CACNA1S: variants seen among roughly 807,000 people sequenced by gnomAD.
CACNA1S encodes the protein voltage-dependent L-type calcium channel subunit alpha-1S.
CACNA1S carries 126 observed loss-of-function variants against 207.4 expected under a neutral mutation model. That is an observed-to-expected ratio of 0.61 (90% CI 0.53 to 0.70). The LOEUF (loss-of-function observed/expected upper bound fraction) is 0.70, where lower values mean the gene tolerates loss of function less well. Among genes scored for constraint, CACNA1S ranks in the 30% least tolerant of loss-of-function variants. CACNA1S has a pLI of 0.00. For missense variants in CACNA1S, 2,349 were observed against 2,422.8 expected (o/e 0.97, Z 0.64); for synonymous variants, 960 against 932.7 (o/e 1.03, Z -0.53).
chr1:201,047,163 T>G lies in CACNA1S; in HGVS notation c.4620A>C (p.Gln1540His), dbSNP rs1300838444. 3 of 1,614,190 alleles carry G rather than the reference T, an allele frequency of 1.9e-6. No homozygotes were observed. The East Asian group carries it at 6.7e-5, about 36-fold the overall frequency. ...TGGGCCGATAGCCATAATACTCCTC[T>G]TGGCGTTTCATGAACTTCCGGAAGT... ...QEHFRKFMKR[Q>H]EEYYGYRPKK... The change falls in exon 38 of 44, where the codon CAA becomes CAC. Residue 1540 changes from glutamine (Q) to histidine (H), a missense_variant. Transcript: ENST00000362061.
chr1:201,039,953 T>C lies in CACNA1S; in HGVS notation c.5500A>G (p.Lys1834Glu), dbSNP rs766234631. The C allele has an allele frequency of 6.2e-7, 1 of 1,614,154 alleles. No homozygotes were observed. ...EVEIMATELL[K>E]GREAPEGMAS... ...ATGCCCTCTGGGGCCTCTCGTCCTT[T>C]CAGTAGCTCTGTTGCCATGATCTCC... Residue 1834 changes from lysine to glutamate, a missense_variant, in exon 44 of 44, where the codon AAA becomes GAA. By Grantham distance (56) the Lys-to-Glu change is moderately conservative. Coordinates refer to ENST00000362061, the MANE Select transcript of CACNA1S (RefSeq NM_000069.3).
At chr1:201,101,233 G>C (rs1427790303) in intron 2 of CACNA1S, among the ~76,000 whole-genome samples, 1 of 152,180 alleles carries the variant, frequency 6.6e-6, no homozygotes, top group Non-Finnish European at 1.5e-5. Context: ...AGGTGGAGAG[G>C]CTGCGGGCTG....
chr1:201,103,520 G>T (rs1315078128), intron 2 of CACNA1S, among the ~76,000 whole-genome samples: 7 of 152,198 alleles, frequency 4.6e-5, no homozygotes, highest in Non-Finnish European at 8.8e-5. Context: ...GGGATGGGCG[G>T]GGGAGAATCT....
chr1:201,100,583 T>C (rs1662615902), intron 2 of CACNA1S, among the ~76,000 whole-genome samples: 1 of 152,184 alleles, frequency 6.6e-6, no homozygotes, highest in African/African-American at 2.4e-5. Context: ...CCCCTCCCTG[T>C]ACAGCACTTC....
intron 6 of CACNA1S, 28 bp downstream of exon 6, chr1:201,089,230 G>T: frequency 1.2e-6 from 2 of 1,607,462 alleles, no homozygotes; most frequent in Non-Finnish European, 8.5e-7. Context: ...GAAGGGAGAT[G>T]GTTCTGCAGG....
intron 40 of CACNA1S, among the ~76,000 whole-genome samples, chr1:201,042,376 G>A (rs1465729472): frequency 6.6e-6 from 1 of 152,180 alleles, no homozygotes; most frequent in Non-Finnish European, 1.5e-5. Context: ...GACCTCAAGT[G>A]ATCCACCTGC....
At chr1:201,089,069 G>A (rs1163763635) in intron 6 of CACNA1S, among the ~76,000 whole-genome samples, 189 bp downstream of exon 6, 1 of 152,186 alleles carries the variant, frequency 6.6e-6, no homozygotes, top group Non-Finnish European at 1.5e-5. Flanking sequence ...TAGGATGCTG[G>A]GGCACATACC....
intron 15 of CACNA1S, among the ~76,000 whole-genome samples, chr1:201,073,170 C>T (rs1325720069): frequency 6.6e-6 from 1 of 152,196 alleles, no homozygotes; most frequent in East Asian, 1.9e-4. Flanking sequence ...AACTCCACTT[C>T]CTCAGTTTTC....
chr1:201,091,686 C>T lies in CACNA1S; in HGVS notation c.648G>A (p.Glu216=), dbSNP rs200633947. Residue 216 remains glutamate, a synonymous_variant, in exon 5 of 44, where the codon GAG becomes GAA. Transcript: ENST00000362061. ...TCTTGTGCATCTTGCCCTTGAAGAG[C>T]TCCAGCCCGATGATGGCATAGATGA... ...MVIIYAIIGL[E]LFKGKMHKTC... 1.2e-6 allele frequency: 2 copies of T among 1,614,230 alleles called. No homozygotes were observed. The highest frequency in any genetic ancestry group is 1.7e-6 in the Non-Finnish European group (2 of 1,180,042).
At chr1:201,093,761 A>G in intron 3 of CACNA1S, 121 bp downstream of exon 3, 1 of 1,247,660 alleles carries the variant, frequency 8.0e-7, no homozygotes, top group Admixed American at 1.7e-5. Flanking sequence ...AGGCTGCTCC[A>G]TGCAGTGGTT....
chr1:201,059,332 G>T, intron 26 of CACNA1S, 33 bp from the exon 27 acceptor site: 1 of 1,483,720 alleles, frequency 6.7e-7, no homozygotes. Context: ...GTGGGTCAGG[G>T]GGGCCGGGTT....
Position 201,112,315 on chromosome 1 carries a change from C to T in CACNA1S, c.25G>A (p.Glu9Lys). 1 of 1,613,830 alleles carries T rather than the reference C, an allele frequency of 6.2e-7. No individual in the cohort carries two copies. Among genetic ancestry groups the T allele is most frequent in the Non-Finnish European group, 8.5e-7 (1 of 1,179,882 alleles). Residue 9 changes from glutamate to lysine, a missense_variant, in exon 1 of 44, where the codon GAA (glutamate) becomes AAA (lysine). By Grantham distance (56) the Glu-to-Lys change is moderately conservative. Transcript: ENST00000362061. MEPSSPQD[E>K]GLRKKQPKKP... ...TTGGGCTGTTTCTTCCTCAGGCCTT[C>T]ATCCTGGGGTGAGGATGGCTCCATG...
Position 201,066,305 on chromosome 1 carries a change from A to ATGGCACTG in CACNA1S, c.2661_2668dup (p.Ile890ThrfsTer7). 1 of 1,611,306 alleles carries ATGGCACTG rather than the reference A, an allele frequency of 6.2e-7. No individual in the cohort carries two copies. Among genetic ancestry groups the ATGGCACTG allele is most frequent in the East Asian group, 2.2e-5 (1 of 44,832 alleles). ...CACCCTCAGGATCTTCACCACGGAG[A>ATGGCACTG]TGGCACTGGACCTGGGGGGCGGCAA... On this transcript the variant is annotated frameshift_variant, in exon 21 of 44. Transcript: ENST00000362061. LOFTEE classifies it high-confidence loss of function. This position sits in a 1 kb window ranked among gnomAD's most constrained non-coding sequence, Gnocchi z 4.3.
chr1:201,057,452 T>G (rs1660887327), intron 28 of CACNA1S, among the ~76,000 whole-genome samples: 1 of 152,268 alleles, frequency 6.6e-6, no homozygotes, highest in South Asian at 2.1e-4. Context: ...TACTATGTAC[T>G]TGTCATACCT....
intron 2 of CACNA1S, among the ~76,000 whole-genome samples, chr1:201,104,439 T>C (rs1007692384): frequency 1.3e-5 from 2 of 152,258 alleles, no homozygotes; most frequent in African/African-American, 4.8e-5. Context: ...GAGATGCAAA[T>C]GAATTCTGCC....
In CACNA1S at chr1:201,053,195, C is replaced by A. The variant is rs200654730; in HGVS notation, c.3861+14G>T. ...CAAGATCCATGCTTTGGCCTGGGCC[C>A]GCCTGCCTCTCACCTGCATGCCGAT... On this transcript the variant is annotated intron_variant, in intron 31 of 43. Transcript: ENST00000362061. This position sits in a 1 kb window ranked among gnomAD's most constrained non-coding sequence, Gnocchi z 5.1. 3.3e-4 allele frequency: 525 copies of A among 1,614,052 alleles called. 4 individuals are homozygous for A. In the Middle Eastern group the frequency reaches 4.9e-3, roughly 15 times the overall value.
At chr1:201,068,283 C>A (rs1661321908) in intron 19 of CACNA1S, among the ~76,000 whole-genome samples, 1 of 138,708 alleles carries the variant, frequency 7.2e-6, no homozygotes, top group South Asian at 2.3e-4. Flanking sequence ...TCTCTCGTCA[C>A]CCAGGCTGGA....
intron 40 of CACNA1S, among the ~76,000 whole-genome samples, chr1:201,042,475 A>G (rs915334408): frequency 1.3e-5 from 2 of 152,214 alleles, no homozygotes; most frequent in African/African-American, 4.8e-5. Context: ...CACATAACAT[A>G]TCACCCAACA....
At chr1:201,050,873 C>G in intron 33 of CACNA1S, 111 bp downstream of exon 33, 1 of 1,162,200 alleles carries the variant, frequency 8.6e-7, no homozygotes, top group Non-Finnish European at 1.3e-6. Context: ...CCTGCGTCCC[C>G]GAGATGAATC....
Sources: allele counts gnomAD v4.1 joint callset (sites outside exome capture counted in the v4.1 genomes callset), GRCh38; gene constraint gnomAD v4.1.1; non-coding constraint Gnocchi (gnomAD v3.1); transcripts MANE v1.5; gene names NCBI Gene and HGNC (gene_info 2026-07-23, HGNC 2026-07-21).